The following MGAT5B variants were observed in gnomAD, a reference collection of about 807,000 sequenced individuals.
MGAT5B encodes the protein N-acetylglucosaminyl-transferase Vb.
MGAT5B carries 54 observed loss-of-function variants against 95.1 expected under a neutral mutation model. The observed-to-expected ratio is 0.57, with a 90% CI of 0.46 to 0.71. The LOEUF (loss-of-function observed/expected upper bound fraction) is 0.71, where lower values mean the gene tolerates loss of function less well. Among genes scored for constraint, MGAT5B ranks in the 30% least tolerant of loss-of-function variants. MGAT5B has a pLI of 0.00. For missense variants in MGAT5B, 935 were observed against 1,088.6 expected (o/e 0.86, Z 1.99); for synonymous variants, 464 against 451.0 (o/e 1.03, Z -0.36).
chr17:76,886,784 C>T (rs572939736), intron 3 of MGAT5B, among the ~76,000 whole-genome samples: 1 of 152,264 alleles, frequency 6.6e-6, no homozygotes, highest in Non-Finnish European at 1.5e-5. Context: ...TGGCTCACAG[C>T]TGTAATCCCA....
chr17:76,927,912 C>G (rs1382320822), intron 10 of MGAT5B, among the ~76,000 whole-genome samples: 1 of 152,246 alleles, frequency 6.6e-6, no homozygotes, highest in East Asian at 1.9e-4. Context: ...TGAGCAGAGT[C>G]CTGACGGACT....
At chr17:76,886,029 T>A (rs1220126271) in intron 3 of MGAT5B, among the ~76,000 whole-genome samples, 2 of 152,230 alleles carry the variant, frequency 1.3e-5, no homozygotes, top group Non-Finnish European at 2.9e-5. Flanking sequence ...TGGCTGGTGT[T>A]TCCTCAGGGA....
rs561395952 is a variant in MGAT5B at position 76,902,466 on chromosome 17, G to T, written c.330-89G>T. ...AGCCTGGGGCATTGCAGAGCCTGCCGCCTTTGCCTGTGGGCCTTACTGGCA... is the reference window on the plus strand; with the variant it reads ...AGCCTGGGGCATTGCAGAGCCTGCCTCCTTTGCCTGTGGGCCTTACTGGCA... On this transcript the variant is annotated intron_variant, in intron 3 of 17. Coordinates refer to ENST00000569840, the MANE Select transcript of MGAT5B (RefSeq NM_001199172.2). 423 of 921,512 alleles carry T rather than the reference G, an allele frequency of 4.6e-4. No individual in the cohort carries two copies. In the African/African-American group the frequency reaches 6.3e-3, roughly 14 times the overall value. 57.1% of individuals were successfully genotyped at this position (921,512 alleles called of 1,614,324 possible). A position where few individuals can be genotyped will look rare whatever the true frequency, so the allele number is the denominator to read the frequency against.
Position 76,868,977 on chromosome 17 carries a change from AG to A in MGAT5B, c.-51del. 12 of 1,569,160 alleles carry A rather than the reference AG, an allele frequency of 7.6e-6. No homozygotes were observed. Among genetic ancestry groups the A allele is most frequent in the Non-Finnish European group, 1.1e-5 (12 of 1,140,048 alleles). ...CCCGGACGCGGCGAGAGCTGGGCCC[AG>A]GACGGTGCGTCCGGCCTCGCCCGCG... On this transcript the variant is annotated 5_prime_UTR_variant, in exon 1 of 18. Transcript: ENST00000569840. This position sits in a 1 kb window ranked among gnomAD's most constrained non-coding sequence, Gnocchi z 6.3.
chr17:76,943,362 C>T (rs1009587490), intron 15 of MGAT5B, among the ~76,000 whole-genome samples: 3 of 152,142 alleles, frequency 2.0e-5, no homozygotes, highest in Non-Finnish European at 4.4e-5. Context: ...CCCCTCCCTT[C>T]TGTGGGCCCC....
intron 12 of MGAT5B, among the ~76,000 whole-genome samples, chr17:76,935,003 T>A (rs1969606298): frequency 6.6e-6 from 1 of 152,132 alleles, no homozygotes; most frequent in South Asian, 2.1e-4. Context: ...GGGCAAGGCG[T>A]TGGGTGAACT....
chr17:76,872,861 C>A lies in MGAT5B; in HGVS notation c.79C>A (p.Leu27Met). The stretch of plus-strand genomic sequence containing the variant: ...CCTTCCTCTCCGCAGGCTTTTTGTC[C>A]TGGGCATCGGCTTCTTCACTCTCTG... ...VTLRPFRLFV[L>M]GIGFFTLCFL... is the part of the protein sequence containing the mutation. The change falls in exon 2 of 18, where the codon CTG (leucine) becomes ATG (methionine). Residue 27 changes from leucine (L) to methionine (M), a missense_variant. By Grantham distance (15) the Leu-to-Met change is conservative. Coordinates refer to ENST00000569840, the MANE Select transcript of MGAT5B (RefSeq NM_001199172.2). 1 of 1,614,232 alleles carries A rather than the reference C, an allele frequency of 6.2e-7. No homozygotes were observed. The highest frequency in any genetic ancestry group is 1.7e-4 in the Middle Eastern group (1 of 6,060).
intron 3 of MGAT5B, among the ~76,000 whole-genome samples, chr17:76,884,445 T>TTTATTTATTTA (rs1568167206): frequency 2.8e-4 from 42 of 151,798 alleles, no homozygotes; most frequent in African/African-American, 9.7e-4. Context: ...TTATTTATTT[T>TTTATTTATTTA]TTTGAGATGG....
At chr17:76,897,832 G>T (rs1156832932) in intron 3 of MGAT5B, among the ~76,000 whole-genome samples, 3 of 150,430 alleles carry the variant, frequency 2.0e-5, no homozygotes, top group Non-Finnish European at 4.4e-5. Flanking sequence ...GAGGTGGGTG[G>T]ATCACGTGAG....
rs1598997575 is a variant in MGAT5B at position 76,938,155 on chromosome 17, T to C, written c.1584+12T>C. 6.2e-7 allele frequency: 1 copy of C among 1,612,544 alleles called. No homozygotes were observed. The highest frequency in any genetic ancestry group is 1.7e-4 in the Middle Eastern group (1 of 5,818). The stretch of plus-strand genomic sequence containing the variant: ...TGCGCAAGGCCAAAGTGAGCTCCCA[T>C]CCCCCGCACCATTCTCACACTTGCC... On this transcript the variant is annotated intron_variant, in intron 13 of 17. Coordinates refer to ENST00000569840, the MANE Select transcript of MGAT5B (RefSeq NM_001199172.2). The surrounding 1 kb of genome is among the most constrained non-coding windows in gnomAD (Gnocchi z 4.3).
Position 76,903,322 on chromosome 17 carries a change from C to G in MGAT5B, c.465C>G (p.Asp155Glu). Residue 155 changes from aspartate to glutamate, a missense_variant, in exon 5 of 18, where the codon GAC becomes GAG. Asp to Glu is a conservative substitution (Grantham distance 45). Around this residue, in one of 4 missense-constraint regions of MGAT5B, gnomAD observed 243 missense variants for 228.2 expected, o/e 1.06. Transcript: ENST00000569840. ...CTACAGTGTCAGAAGGCCGGCGGGA[C>G]CAGTGTGAGGCACCCAGTGACCCCA... The part of the protein sequence containing the change: ...LHSKVSEGRR[D>E]QCEAPSDPKF... The G allele has an allele frequency of 6.2e-7, 1 of 1,610,868 alleles. No individual in the cohort carries two copies. The highest frequency in any genetic ancestry group is 8.5e-7 in the Non-Finnish European group (1 of 1,178,530).
chr17:76,933,199 A>C, intron 11 of MGAT5B, 93 bp from the exon 12 acceptor site: 1 of 1,545,874 alleles, frequency 6.5e-7, no homozygotes, highest in Admixed American at 1.7e-5. Context: ...GGGGCCCCAG[A>C]GAGGAGCTGC....
At chr17:76,944,246 C>CGTT (rs1969963508) in intron 15 of MGAT5B, 1 of 110,982 alleles carries the variant, frequency 9.0e-6, no homozygotes, top group Admixed American at 8.0e-5. Flanking sequence ...GGCGGAACGT[C>CGTT]GTCGTCGTCG....
At chr17:76,943,498 A>G (rs1056537001) in intron 15 of MGAT5B, among the ~76,000 whole-genome samples, 8 of 152,074 alleles carry the variant, frequency 5.3e-5, no homozygotes, top group African/African-American at 1.9e-4. Context: ...CTTCCCATTT[A>G]ATAGGACCCA....
At chr17:76,907,154 C>T (rs561182439) in intron 8 of MGAT5B, among the ~76,000 whole-genome samples, 2 of 151,980 alleles carry the variant, frequency 1.3e-5, no homozygotes, top group African/African-American at 4.8e-5. Flanking sequence ...CGGGTTCAAG[C>T]GATTCTCCTG....
chr17:76,936,977 T>C (rs1201056667), intron 12 of MGAT5B, among the ~76,000 whole-genome samples: 1 of 151,888 alleles, frequency 6.6e-6, no homozygotes, highest in African/African-American at 2.4e-5. Flanking sequence ...TACAAAAAAG[T>C]ACTGGGAGTT....
At chr17:76,948,429 C>G (rs986203180) in intron 17 of MGAT5B, among the ~76,000 whole-genome samples, 7 of 152,328 alleles carry the variant, frequency 4.6e-5, no homozygotes, top group Admixed American at 3.9e-4. Flanking sequence ...GGGTCCCCAG[C>G]CCCTCCAGGC....
chr17:76,890,344 G>A (rs1241572368), intron 3 of MGAT5B, among the ~76,000 whole-genome samples: 2 of 152,218 alleles, frequency 1.3e-5, no homozygotes, highest in Non-Finnish European at 2.9e-5. Flanking sequence ...TTGACTGAAT[G>A]TCCATTACGA....
In MGAT5B at chr17:76,915,259, A is replaced by C. The variant is rs1968885334; in HGVS notation, c.1025+9072A>C. On this transcript the variant is annotated intron_variant, in intron 8 of 17. Coordinates refer to ENST00000569840, the MANE Select transcript of MGAT5B (RefSeq NM_001199172.2). The surrounding 1 kb of genome is among the most constrained non-coding windows in gnomAD (Gnocchi z 8.7). ...TCAGGGGAGGGTCCCAGGAGGAGGG[A>C]CAGGGACAGCTCTTCTGCCCTGAGA... is the stretch of plus-strand genomic sequence containing the variant. Among the ~76,000 whole-genome samples the C allele has an allele frequency of 6.6e-6, 1 of 151,436 alleles. No individual in the cohort carries two copies. Among genetic ancestry groups the C allele is most frequent in the Non-Finnish European group, 1.5e-5 (1 of 67,888 alleles).
Sources: gnomAD v4.1 joint callset for allele counts (sites outside exome capture counted in the v4.1 genomes callset) on GRCh38, gnomAD v4.1.1 for gene constraint, gnomAD v4.1.1 regional missense constraint, Gnocchi (gnomAD v3.1) non-coding constraint, MANE v1.5 for transcripts, NCBI Gene and HGNC (gene_info 2026-07-23, HGNC 2026-07-21) for gene names.